Variants in VASH1 observed in about 807,000 individuals in gnomAD.
VASH1 encodes tubulinyl-Tyr carboxypeptidase 1.
VASH1 carries 16 observed loss-of-function variants against 35.0 expected under a neutral mutation model. The observed-to-expected ratio is 0.46, with a 90% CI of 0.31 to 0.70. The LOEUF is 0.70. VASH1 is among the 30% of genes least tolerant of loss of function. VASH1 has a pLI of 0.05. For missense variants in VASH1, 505 were observed against 510.7 expected, an observed-to-expected ratio of 0.99 and a Z score of 0.11; for synonymous variants, 214 against 200.9, an observed-to-expected ratio of 1.07 and a Z score of -0.55.
At chr14:76,767,298 G>A (rs1226303918) in intron 1 of VASH1, among the ~76,000 whole-genome samples, 1 of 143,058 alleles carries the variant, frequency 7.0e-6, no homozygotes, top group Non-Finnish European at 1.5e-5. Flanking sequence ...AGTCACGACT[G>A]TAAATGGCAG....
At chr14:76,773,656 A>C in intron 4 of VASH1, 2 of 186,876 alleles carry the variant, frequency 1.1e-5, no homozygotes, top group Non-Finnish European at 1.1e-5. Context: ...AAAACCACAA[A>C]CAAGGTTTTC....
At chr14:76,766,781 C>CT (rs1893653597) in intron 1 of VASH1, among the ~76,000 whole-genome samples, 1 of 152,104 alleles carries the variant, frequency 6.6e-6, no homozygotes, top group Admixed American at 6.5e-5. Flanking sequence ...CTGGGATTAG[C>CT]ATGTGCGAGG....
intron 5 of VASH1, 103 bp downstream of exon 5, chr14:76,776,376 G>A (rs1893945282): frequency 2.9e-6 from 4 of 1,400,988 alleles, no homozygotes; most frequent in Non-Finnish European, 3.8e-6. Context: ...TCAGGGGACT[G>A]GGGTGCTGGG....
rs1894064660 is a variant in VASH1, at chr14:76,780,182, A to C, written c.*1164A>C. 1 of 153,790 alleles carries C rather than the reference A, an allele frequency of 6.5e-6. No homozygotes were observed. The highest frequency in any genetic ancestry group is 2.0e-4 in the South Asian group (1 of 4,882). The allele number at this position is 153,790 out of a possible 1,614,324, so 9.5% of individuals were successfully genotyped here. ...AGTGAGAGGATGCGGAGAGGTTGGC[A>C]GAGCCAGGGGTAGGTTCTGGAGGCT... On this transcript the variant is annotated 3_prime_UTR_variant, in exon 7 of 7. Coordinates refer to ENST00000167106, the MANE Select transcript of VASH1 (RefSeq NM_014909.5).
chr14:76,779,049 C>T lies in VASH1; in HGVS notation c.*31C>T. ...ATGCCAGCACCCCAGGCCCCACCCA[C>T]TCTTGGGGGCCAGGATCCACCTGCT... On this transcript the variant is annotated 3_prime_UTR_variant, in exon 7 of 7. Transcript: ENST00000167106. The T allele has an allele frequency of 6.2e-7, 1 of 1,609,526 alleles. No individual in the cohort carries two copies. Among genetic ancestry groups the T allele is most frequent in the Non-Finnish European group, 8.5e-7 (1 of 1,176,626 alleles).
At position 76,779,504 on chromosome 14, in the gene VASH1, A is replaced by C. The variant is rs1227335890; in HGVS notation, c.*486A>C. On this transcript the variant is annotated 3_prime_UTR_variant, in exon 7 of 7. Transcript: ENST00000167106. ...CTCCAGTTCTGCCTGCCCTGGCAGA[A>C]TCTTGACCCAGGGAAAGGGAAGCAG... 2 of 701,812 alleles carry C rather than the reference A, an allele frequency of 2.8e-6. No individual in the cohort carries two copies. The highest frequency in any genetic ancestry group is 3.5e-5 in the African/African-American group (2 of 57,204). 43.5% of individuals were successfully genotyped at this position (701,812 alleles called of 1,614,324 possible). A position where few individuals can be genotyped will look rare whatever the true frequency, so the allele number is the denominator to read the frequency against.
In VASH1 at chr14:76,778,963, A is replaced by G; in HGVS notation, c.1043A>G (p.Lys348Arg). The G allele has an allele frequency of 6.2e-7, 1 of 1,614,194 alleles. No individual in the cohort carries two copies. Among genetic ancestry groups the G allele is most frequent in the Non-Finnish European group, 8.5e-7 (1 of 1,180,032 alleles). ...RSERRPSGDK[K>R]TSEPKAMPDL... ...TCCCACAGGCCCTCGGGTGACAAGA[A>G]GACTTCCGAGCCCAAAGCCATGCCA... Residue 348 changes from lysine to arginine, a missense_variant, in exon 7 of 7, where the codon AAG becomes AGG. Physicochemically the swap from Lys to Arg is conservative, Grantham distance 26. Coordinates refer to ENST00000167106, the MANE Select transcript of VASH1 (RefSeq NM_014909.5).
chr14:76,764,717 A>C (rs1595266805), intron 1 of VASH1, among the ~76,000 whole-genome samples: 2 of 141,312 alleles, frequency 1.4e-5, no homozygotes, highest in Non-Finnish European at 3.0e-5. Flanking sequence ...ATGGAGTCTC[A>C]CTCTTTCCAC....
chr14:76,777,140 G>C (rs529775807), intron 5 of VASH1, among the ~76,000 whole-genome samples: 60 of 152,348 alleles, frequency 3.9e-4, no homozygotes, highest in African/African-American at 1.4e-3. Context: ...GCAGGGGTTT[G>C]TAAGAGCTAC....
Position 76,780,992 on chromosome 14 carries a change from CG to C in VASH1, c.*1979del. The C allele has an allele frequency of 6.6e-6, 1 of 152,410 alleles. No homozygotes were observed. Among genetic ancestry groups the C allele is most frequent in the Non-Finnish European group, 1.5e-5 (1 of 68,154 alleles). The allele number at this position is 152,410 out of a possible 1,614,324, so 9.4% of individuals were successfully genotyped here. ...CCCTTTGCAGTTGCTGGGTCACCAG[CG>C]GGGGTGGCGCATGGAGTACAGACAG... On this transcript the variant is annotated 3_prime_UTR_variant, in exon 7 of 7. Coordinates refer to ENST00000167106, the MANE Select transcript of VASH1 (RefSeq NM_014909.5).
At position 76,766,688 on chromosome 14, in the gene VASH1, C is replaced by T. The variant is rs144476595; in HGVS notation, c.310-3275C>T. The stretch of plus-strand genomic sequence containing the variant: ...AACTCCTGGGCTCAAGCCATCCTCC[C>T]GCCTCAGCCTCCCAAAGTGCTGGGA... On this transcript the variant is annotated intron_variant, in intron 1 of 6. Coordinates refer to ENST00000167106, the MANE Select transcript of VASH1 (RefSeq NM_014909.5). Among the ~76,000 whole-genome samples the T allele has an allele frequency of 2.6e-4, 39 of 152,240 alleles. No individual in the cohort carries two copies. The East Asian group carries it at 7.0e-3, about 27-fold the overall frequency.
Position 76,762,261 on chromosome 14 carries a change from C to G in VASH1, c.-561C>G, listed in dbSNP as rs1399240588. On this transcript the variant is annotated 5_prime_UTR_variant, in exon 1 of 7. Transcript: ENST00000167106. ...TCGGAGAAATCGCCCCCCAGCGCCG[C>G]TCTCCCGCCCGGGGGTCTTGGTTCC... is the stretch of plus-strand genomic sequence containing the variant. 6.6e-6 allele frequency: 1 copy of G among 152,182 alleles called. No individual in the cohort carries two copies. The highest frequency in any genetic ancestry group is 1.5e-5 in the Non-Finnish European group (1 of 68,038). The allele number at this position is 152,182 out of a possible 1,614,324, so 9.4% of individuals were successfully genotyped here.
intron 1 of VASH1, among the ~76,000 whole-genome samples, chr14:76,768,641 C>T (rs985778430): frequency 3.9e-5 from 6 of 152,154 alleles, no homozygotes; most frequent in South Asian, 2.1e-4. Context: ...CCAGCCACTG[C>T]GGTCACATTA....
At chr14:76,771,381 T>G in intron 3 of VASH1, 135 bp downstream of exon 3, 1 of 774,134 alleles carries the variant, frequency 1.3e-6, no homozygotes, top group Non-Finnish European at 1.8e-6. Flanking sequence ...TGGGGGCAGG[T>G]GCCACCCTGG....
chr14:76,778,772 C>T (rs1282600438), intron 6 of VASH1, among the ~76,000 whole-genome samples, 174 bp from the exon 7 acceptor site: 1 of 152,216 alleles, frequency 6.6e-6, no homozygotes, highest in Non-Finnish European at 1.5e-5. Flanking sequence ...ATTCAGACAG[C>T]ACAGGCGGGC....
At chr14:76,777,916 G>A (rs373859308) in intron 5 of VASH1, 43 bp from the exon 6 acceptor site, 4 of 1,378,312 alleles carry the variant, frequency 2.9e-6, no homozygotes, top group Non-Finnish European at 3.8e-6. Context: ...TGGGCTCCAG[G>A]GCAGTCCTGG....
chr14:76,779,676 A>AG lies in VASH1; in HGVS notation c.*662dup, dbSNP rs1196422497. Reference sequence around the variant, plus strand: ...ATGGGCAGTGCTGTGTGGGCAGAGGAGGGGTGATATGAGAGCGAGCCCAGG... The same window carrying AG: ...ATGGGCAGTGCTGTGTGGGCAGAGGAGGGGGTGATATGAGAGCGAGCCCAGG... On this transcript the variant is annotated 3_prime_UTR_variant, in exon 7 of 7. Transcript: ENST00000167106. 5.0e-6 allele frequency: 3 copies of AG among 600,468 alleles called. No homozygotes were observed. The highest frequency in any genetic ancestry group is 8.9e-6 in the Non-Finnish European group (3 of 337,320). 37.2% of individuals were successfully genotyped at this position (600,468 alleles called of 1,614,324 possible).
chr14:76,771,060 G>A lies in VASH1; in HGVS notation c.399-130G>A, dbSNP rs865947682. 18 of 721,280 alleles carry A rather than the reference G, an allele frequency of 2.5e-5. No individual in the cohort carries two copies. The Middle Eastern group carries it at 9.0e-4, about 36-fold the overall frequency. 44.7% of individuals were successfully genotyped at this position (721,280 alleles called of 1,614,324 possible). Reference sequence around the variant, plus strand: ...AGGGAAAGAGAAGGAGGCGTGAGGCGGGGAGAAGAATTCATGCTGTGCCCC... The same window carrying A: ...AGGGAAAGAGAAGGAGGCGTGAGGCAGGGAGAAGAATTCATGCTGTGCCCC... On this transcript the variant is annotated intron_variant, in intron 2 of 6. Coordinates refer to ENST00000167106, the MANE Select transcript of VASH1 (RefSeq NM_014909.5).
At chr14:76,776,933 G>A (rs189999157) in intron 5 of VASH1, among the ~76,000 whole-genome samples, 49 of 152,116 alleles carry the variant, frequency 3.2e-4, no homozygotes, top group Admixed American at 8.5e-4. Flanking sequence ...CTCAACCACC[G>A]ACCTCTGCAC....
Sources: allele counts gnomAD v4.1 joint callset (sites outside exome capture counted in the v4.1 genomes callset), GRCh38; gene constraint gnomAD v4.1.1; transcripts MANE v1.5; gene names NCBI Gene and HGNC (gene_info 2026-07-23, HGNC 2026-07-21).